Variants in RPL34 observed in about 807,000 individuals in gnomAD.
The protein encoded by RPL34 is large ribosomal subunit protein eL34.
In RPL34, 2 loss-of-function variants were observed where a neutral mutation model predicts 16.3. The observed-to-expected ratio is 0.12, with a 90% confidence interval of 0.05 to 0.39. The LOEUF (loss-of-function observed/expected upper bound fraction) is 0.39. RPL34 is among the 10% of genes least tolerant of loss of function. The pLI is 0.99. For synonymous variants in RPL34, 47 were observed against 48.5 expected, an observed-to-expected ratio of 0.97 and a Z score of 0.13; for missense variants, 82 against 148.8, an observed-to-expected ratio of 0.55 and a Z score of 2.33.
chr4:108,626,130 C>A (rs571322500), downstream of RPL34, among the ~76,000 whole-genome samples: 1 of 152,062 alleles, frequency 6.6e-6, no homozygotes, highest in Non-Finnish European at 1.5e-5. Context: ...CCTCATTTTT[C>A]TTGGGAACTA....
At chr4:108,621,649 G>A (rs992312614) in intron 1 of RPL34, 1 of 304,872 alleles carries the variant, frequency 3.3e-6, no homozygotes, top group African/African-American at 2.1e-5. Flanking sequence ...CTCCAACTGG[G>A]CTCGTGGCAC....
chr4:108,623,058 TGTG>T (rs1358070782), intron 4 of RPL34: 19 of 153,136 alleles, frequency 1.2e-4, no homozygotes, highest in Admixed American at 1.2e-3. Context: ...TATGGCCAGG[TGTG>T]GTGGCTTATG....
intron 4 of RPL34, 171 bp downstream of exon 4, chr4:108,622,789 T>G: frequency 4.2e-6 from 2 of 472,784 alleles, no homozygotes; most frequent in Admixed American, 7.6e-5. Flanking sequence ...ATATTCAAAG[T>G]AATAATTTGG....
At chr4:108,628,338 A>G (rs1726080510), downstream of RPL34, among the ~76,000 whole-genome samples, 1 of 145,370 alleles carries the variant, frequency 6.9e-6, no homozygotes, top group African/African-American at 2.4e-5. Context: ...TACTGCACCA[A>G]GCAGTTCTGT....
Position 108,625,253 on chromosome 4 carries a change from T to G in RPL34, c.*41T>G. 1 of 1,247,702 alleles carries G rather than the reference T, an allele frequency of 8.0e-7. No homozygotes were observed. The highest frequency in any genetic ancestry group is 1.2e-6 in the Non-Finnish European group (1 of 866,438). 77.3% of individuals were successfully genotyped at this position (1,247,702 alleles called of 1,614,324 possible). ...TTGAGTAATAAAAATGAAAAGACGC[T>G]GTATGTATGACTTTTTTTTTTTCTG... On this transcript the variant is annotated 3_prime_UTR_variant, in exon 5 of 5. Coordinates refer to ENST00000394667, the MANE Select transcript of RPL34 (RefSeq NM_001319236.2).
downstream of RPL34, among the ~76,000 whole-genome samples, chr4:108,626,042 A>G (rs180755699): frequency 3.6e-3 from 548 of 152,324 alleles, 3 homozygotes; most frequent in African/African-American, 0.012. Flanking sequence ...GAGCTACTAT[A>G]TATAAAACCT....
At chr4:108,630,099 T>A (rs1279088421), downstream of RPL34, 1 of 152,172 alleles carries the variant, frequency 6.6e-6, no homozygotes, top group African/African-American at 2.4e-5. Flanking sequence ...TCTTTCCAGT[T>A]TTGCATCCAG....
intron 1 of RPL34, 75 bp from the exon 2 acceptor site, chr4:108,621,876 A>G (rs1225397520): frequency 1.0e-6 from 1 of 955,644 alleles, no homozygotes; most frequent in African/African-American, 1.6e-5. Context: ...AATGAAATAG[A>G]CCACATGATA....
At chr4:108,629,539 C>T (rs1726114428), downstream of RPL34, among the ~76,000 whole-genome samples, 1 of 152,134 alleles carries the variant, frequency 6.6e-6, no homozygotes, top group South Asian at 2.1e-4. Context: ...TTCTATAACT[C>T]TTCTGGGTTT....
At chr4:108,628,932 G>T (rs774729808), downstream of RPL34, among the ~76,000 whole-genome samples, 10 of 152,116 alleles carry the variant, frequency 6.6e-5, no homozygotes, top group Non-Finnish European at 1.5e-4. Context: ...AAGCCATTCT[G>T]CCTCAGCCTC....
downstream of RPL34, among the ~76,000 whole-genome samples, chr4:108,625,959 CTG>C (rs1449892364): frequency 6.6e-6 from 1 of 152,142 alleles, no homozygotes; most frequent in Non-Finnish European, 1.5e-5. Flanking sequence ...TTTAAACCCT[CTG>C]TTCTTTTAGG....
downstream of RPL34, among the ~76,000 whole-genome samples, chr4:108,626,862 C>T (rs946348186): frequency 1.3e-5 from 2 of 152,172 alleles, no homozygotes; most frequent in African/African-American, 4.8e-5. Context: ...TGACTATTTT[C>T]CTCAGTTGAG....
chr4:108,622,894 G>C (rs988200967), intron 4 of RPL34: 2 of 318,160 alleles, frequency 6.3e-6, no homozygotes, highest in African/African-American at 4.3e-5. Flanking sequence ...GACAAAGATA[G>C]ATGGAGTGTG....
At chr4:108,626,220 C>T (rs543117814), downstream of RPL34, among the ~76,000 whole-genome samples, 80 of 152,176 alleles carry the variant, frequency 5.3e-4, no homozygotes, top group Admixed American at 1.3e-3. Context: ...CTGCAACCTC[C>T]ACCTCCTGGA....
chr4:108,624,028 TA>T (rs1725891875), intron 4 of RPL34, among the ~76,000 whole-genome samples: 1 of 151,286 alleles, frequency 6.6e-6, no homozygotes, highest in Non-Finnish European at 1.5e-5. Flanking sequence ...ACATTGGAGA[TA>T]AGTCATGAGT....
intron 4 of RPL34, among the ~76,000 whole-genome samples, chr4:108,623,926 A>T (rs1725887207): frequency 6.6e-6 from 1 of 152,226 alleles, no homozygotes; most frequent in Admixed American, 6.5e-5. Context: ...AACCTAAATG[A>T]TGGGCAAATT....
chr4:108,628,714 C>G (rs975410175), downstream of RPL34, among the ~76,000 whole-genome samples: 1 of 152,084 alleles, frequency 6.6e-6, no homozygotes, highest in African/African-American at 2.4e-5. Flanking sequence ...ACATTCTTTT[C>G]CAAGAATTCT....
chr4:108,622,194 G>A lies in RPL34; in HGVS notation c.155G>A (p.Arg52Lys). 3 of 1,607,520 alleles carry A rather than the reference G, an allele frequency of 1.9e-6. No homozygotes were observed. Among genetic ancestry groups the A allele is most frequent in the Non-Finnish European group, 2.5e-6 (3 of 1,176,886 alleles). The stretch of plus-strand genomic sequence containing the variant: ...TCTGCATGTGGTGTGTGCCCAGGCA[G>A]ACTTCGAGGGGTAAGTGTACCTTTT... The part of the protein sequence containing the change: ...PKSACGVCPG[R>K]LRGVRAVRPK... Residue 52 changes from arginine (R) to lysine (K), a missense_variant, in exon 3 of 5, where the codon AGA becomes AAA. By Grantham distance (26) the Arg-to-Lys change is conservative. Coordinates refer to ENST00000394667, the MANE Select transcript of RPL34 (RefSeq NM_001319236.2).
downstream of RPL34, among the ~76,000 whole-genome samples, chr4:108,628,289 G>A (rs1726078401): frequency 6.6e-6 from 1 of 152,092 alleles, no homozygotes; most frequent in South Asian, 2.1e-4. Flanking sequence ...GAATTCTAAG[G>A]CAGATTTACA....
Sources: gnomAD v4.1 joint callset for allele counts (sites outside exome capture counted in the v4.1 genomes callset) on GRCh38, gnomAD v4.1.1 for gene constraint, MANE v1.5 for transcripts, NCBI Gene and HGNC (gene_info 2026-07-23, HGNC 2026-07-21) for gene names.